The following MYO1E variants were observed in gnomAD, a reference collection of about 807,000 sequenced individuals.
MYO1E encodes unconventional myosin-Ie.
MYO1E carries 68 observed loss-of-function variants against 151.1 expected under a neutral mutation model. That is an observed-to-expected ratio of 0.45 (90% confidence interval 0.37 to 0.55). The LOEUF is 0.55. Ranked by LOEUF, MYO1E falls within the 20% of genes least tolerant of loss-of-function variation. MYO1E has a pLI of 0.00. For synonymous variants in MYO1E, 601 were observed against 501.7 expected (o/e 1.20, Z -2.64); for missense variants, 1,363 against 1,389.3 (o/e 0.98, Z 0.30).
chr15:59,274,521 A>G (rs2080306869), intron 1 of MYO1E, among the ~76,000 whole-genome samples: 1 of 152,188 alleles, frequency 6.6e-6, no homozygotes, highest in Non-Finnish European at 1.5e-5. Context: ...ACCAACCTGC[A>G]GATTGGTTGG....
At chr15:59,161,009 C>G (rs1469776400) in intron 24 of MYO1E, 64 bp downstream of exon 24, 24 of 1,599,182 alleles carry the variant, frequency 1.5e-5, no homozygotes, top group Non-Finnish European at 2.1e-5. Context: ...ATGTTTGCAG[C>G]ATTTGCTCGG....
intron 26 of MYO1E, among the ~76,000 whole-genome samples, chr15:59,146,711 ATTAC>A (rs1281008801): frequency 1.3e-5 from 2 of 148,574 alleles, no homozygotes; most frequent in East Asian, 3.9e-4. Context: ...TATAATATAT[ATTAC>A]TTATATTGTA....
chr15:59,222,494 A>G (rs2079961984), intron 9 of MYO1E, among the ~76,000 whole-genome samples: 1 of 152,226 alleles, frequency 6.6e-6, no homozygotes, highest in Non-Finnish European at 1.5e-5. Flanking sequence ...CCAGGTATAC[A>G]GATGTGATCA....
In MYO1E at chr15:59,188,215, C is replaced by T. The variant is rs2079710762; in HGVS notation, c.1807G>A (p.Val603Ile). The T allele has an allele frequency of 6.2e-7, 1 of 1,613,244 alleles. No homozygotes were observed. The highest frequency in any genetic ancestry group is 1.3e-5 in the African/African-American group (1 of 74,908). ...KKPRDWEESR[V>I]KHQVEYLGLK... ...CCCAAATATTCGACTTGATGCTTTACCCTGTGCAAAGGAGAAAATGGGGCC... is the reference window on the plus strand; with the variant it reads ...CCCAAATATTCGACTTGATGCTTTATCCTGTGCAAAGGAGAAAATGGGGCC... The change falls in exon 18 of 28, where the codon GTA (valine) becomes ATA (isoleucine). Residue 603 changes from valine to isoleucine, a missense_variant and splice_region_variant. Physicochemically the swap from Val to Ile is conservative, Grantham distance 29. Transcript: ENST00000288235.
rs541693021 is a variant in MYO1E, at chr15:59,327,857, T to C, written c.3+44641A>G. Among the ~76,000 whole-genome samples, 76 of 152,208 alleles carry C rather than the reference T, an allele frequency of 5.0e-4. 1 individual carries two copies. The highest frequency in any genetic ancestry group is 3.4e-3 in the Middle Eastern group (1 of 294). ...GAAGGGGCTGAGGGATGGAGTGAAG[T>C]TAAGGAAAGGCCAGGGTGGACTGCC... On this transcript the variant is annotated intron_variant, in intron 1 of 27. Transcript: ENST00000288235.
intron 26 of MYO1E, among the ~76,000 whole-genome samples, chr15:59,146,893 C>T (rs2079444685): frequency 6.6e-6 from 1 of 152,090 alleles, no homozygotes; most frequent in African/African-American, 2.4e-5. Flanking sequence ...TACCAATTAA[C>T]ATAAATGCAC....
intron 13 of MYO1E, among the ~76,000 whole-genome samples, chr15:59,209,473 C>T (rs911018164): frequency 1.3e-5 from 2 of 151,776 alleles, no homozygotes; most frequent in Non-Finnish European, 2.9e-5. Flanking sequence ...GTCAGGAGTT[C>T]AAGACCAGCC....
At chr15:59,339,168 T>C (rs527827818) in intron 1 of MYO1E, among the ~76,000 whole-genome samples, 1 of 152,202 alleles carries the variant, frequency 6.6e-6, no homozygotes, top group African/African-American at 2.4e-5. Context: ...TTTATTCAAC[T>C]TGAAGTAGTA....
At chr15:59,219,655 A>G (rs1490582149) in intron 9 of MYO1E, among the ~76,000 whole-genome samples, 1 of 152,238 alleles carries the variant, frequency 6.6e-6, no homozygotes, top group African/African-American at 2.4e-5. Flanking sequence ...TAGAAAGGAC[A>G]TGTAAACAAA....
chr15:59,277,564 A>AAAAAAAAAACCAAAAAAAAAC (rs2080328320), intron 1 of MYO1E, among the ~76,000 whole-genome samples: 1 of 139,794 alleles, frequency 7.2e-6, no homozygotes, highest in Non-Finnish European at 1.5e-5. Context: ...AAAAAAAAAA[A>AAAAAAAAAACCAAAAAAAAAC]AAAAAAAAAC....
At chr15:59,318,029 A>G (rs563602566) in intron 1 of MYO1E, among the ~76,000 whole-genome samples, 2 of 152,344 alleles carry the variant, frequency 1.3e-5, no homozygotes, top group East Asian at 3.9e-4. Flanking sequence ...GTGGGGCAGA[A>G]GAGTTTAGAT....
intron 4 of MYO1E, among the ~76,000 whole-genome samples, chr15:59,249,999 G>C (rs1200857432): frequency 1.3e-5 from 2 of 151,978 alleles, no homozygotes; most frequent in Admixed American, 1.3e-4. Context: ...CAGGTGTGAG[G>C]CGTGCTGCCC....
At chr15:59,290,450 G>C (rs981014327) in intron 1 of MYO1E, among the ~76,000 whole-genome samples, 2 of 152,192 alleles carry the variant, frequency 1.3e-5, no homozygotes, top group Non-Finnish European at 2.9e-5. Context: ...AGATGCCTCA[G>C]CAAAGCTGAG....
intron 18 of MYO1E, 62 bp downstream of exon 18, chr15:59,188,056 T>G (rs1287110577): frequency 7.9e-7 from 1 of 1,262,700 alleles, no homozygotes; most frequent in African/African-American, 1.5e-5. Flanking sequence ...GTGAATTGTA[T>G]AGATTTGAAT....
At chr15:59,215,463 T>A (rs866021578) in intron 10 of MYO1E, among the ~76,000 whole-genome samples, 2 of 152,118 alleles carry the variant, frequency 1.3e-5, no homozygotes, top group African/African-American at 2.4e-5. Context: ...GATGCCTAAA[T>A]CTGTGTTCTT....
chr15:59,204,246 G>A (rs1405219961), intron 15 of MYO1E, among the ~76,000 whole-genome samples: 1 of 152,186 alleles, frequency 6.6e-6, no homozygotes, highest in African/African-American at 2.4e-5. Context: ...CTGCAAGGAA[G>A]CGCAGGGATG....
chr15:59,228,268 G>A (rs1225466115), intron 6 of MYO1E, among the ~76,000 whole-genome samples: 1 of 152,074 alleles, frequency 6.6e-6, no homozygotes, highest in Non-Finnish European at 1.5e-5. Context: ...GATCACTGGA[G>A]GTCAGGAGTT....
intron 2 of MYO1E, among the ~76,000 whole-genome samples, chr15:59,268,973 A>G (rs1462935058): frequency 6.6e-6 from 1 of 151,848 alleles, no homozygotes; most frequent in Non-Finnish European, 1.5e-5. Context: ...TTCCATCTTT[A>G]TAATGCAGTA....
At chr15:59,170,938 G>A (rs71480506) in intron 22 of MYO1E, among the ~76,000 whole-genome samples, 26 of 152,194 alleles carry the variant, frequency 1.7e-4, no homozygotes, top group Non-Finnish European at 3.4e-4. Context: ...TTTGACAGGC[G>A]TCCCAATTCC....
Sources: allele counts gnomAD v4.1 joint callset (sites outside exome capture counted in the v4.1 genomes callset), GRCh38; gene constraint gnomAD v4.1.1; transcripts MANE v1.5; gene names NCBI Gene and HGNC (gene_info 2026-07-23, HGNC 2026-07-21).